Variants in SERINC5 observed in about 807,000 individuals in gnomAD.
SERINC5 encodes the protein serine incorporator 5, also known as chromosome 5 open reading frame 12.
Under a neutral mutation model 63.1 loss-of-function variants are expected in SERINC5, and 41 were observed. The ratio of observed to expected loss-of-function variants is 0.65; its 90% CI spans 0.51 to 0.84. SERINC5 has a LOEUF of 0.84. Among genes scored for constraint, SERINC5 ranks in the 40% least tolerant of loss-of-function variants. SERINC5 has a pLI of 0.00. For missense variants in SERINC5, 523 were observed against 573.0 expected (o/e 0.91, Z 0.89); for synonymous variants, 222 against 215.2 (o/e 1.03, Z -0.28).
intron 1 of SERINC5, among the ~76,000 whole-genome samples, chr5:80,222,737 T>G (rs940712879): frequency 6.6e-6 from 1 of 152,026 alleles, no homozygotes; most frequent in African/African-American, 2.4e-5. Flanking sequence ...CACACCTGGC[T>G]AATTTTTTGT....
chr5:80,229,279 C>T lies in SERINC5; in HGVS notation c.28-26226G>A, dbSNP rs564384836. On this transcript the variant is annotated intron_variant, in intron 1 of 11. Coordinates refer to ENST00000507668, the MANE Select transcript of SERINC5 (RefSeq NM_001174072.3). ...CCTCAAGTGATCCACCTGCCTTGGTCTCCCAAAGTGCTGGGATCACAGGGG... is the reference window on the plus strand; with the variant it reads ...CCTCAAGTGATCCACCTGCCTTGGTTTCCCAAAGTGCTGGGATCACAGGGG... Among the ~76,000 whole-genome samples the T allele has an allele frequency of 2.8e-4, 42 of 151,708 alleles. No individual in the cohort carries two copies. The East Asian group carries it at 7.6e-3, about 27-fold the overall frequency.
chr5:80,239,925 G>A (rs1455077214), intron 1 of SERINC5, among the ~76,000 whole-genome samples: 1 of 152,134 alleles, frequency 6.6e-6, no homozygotes, highest in Non-Finnish European at 1.5e-5. Flanking sequence ...TCTGGGAGGT[G>A]GTCCAAAGGA....
At chr5:80,126,150 C>T (rs1269175665) in intron 11 of SERINC5, among the ~76,000 whole-genome samples, 6 of 152,084 alleles carry the variant, frequency 3.9e-5, no homozygotes, top group African/African-American at 1.4e-4. Context: ...GAAGGAGGAA[C>T]CGAAAATCTG....
Position 80,141,557 on chromosome 5 carries a change from A to T in SERINC5, c.*2106T>A. ...TCAGCAGGAGGAAAACAATGAAACT[A>T]GTCACAATACTGCCCAGGCTCTTTA... On this transcript the variant is annotated 3_prime_UTR_variant, in exon 12 of 12. Coordinates refer to ENST00000507668, the MANE Select transcript of SERINC5 (RefSeq NM_001174072.3). 1.0e-6 allele frequency: 1 copy of T among 985,506 alleles called. No homozygotes were observed. The highest frequency in any genetic ancestry group is 1.1e-4 in the East Asian group (1 of 8,812). The allele number at this position is 985,506 out of a possible 1,614,324, so 61.0% of individuals were successfully genotyped here. A position where few individuals can be genotyped will look rare whatever the true frequency, so the allele number is the denominator to read the frequency against.
chr5:80,219,097 T>C (rs1264259787), intron 1 of SERINC5, among the ~76,000 whole-genome samples: 1 of 152,210 alleles, frequency 6.6e-6, no homozygotes, highest in Non-Finnish European at 1.5e-5. Context: ...ACAACAGGCC[T>C]CTGGTTTGGA....
At chr5:80,150,348 G>A (rs994220767) in intron 9 of SERINC5, among the ~76,000 whole-genome samples, 14 of 152,194 alleles carry the variant, frequency 9.2e-5, no homozygotes, top group African/African-American at 3.4e-4. Context: ...CACCCAAGAG[G>A]CCAGCTTTCT....
chr5:80,209,286 T>TAAAAAAAAAAAAAAAAAAAAAAAAAAAAA (rs1750324159), intron 1 of SERINC5, among the ~76,000 whole-genome samples: 1 of 152,060 alleles, frequency 6.6e-6, no homozygotes, highest in Non-Finnish European at 1.5e-5. Flanking sequence ...AAAAGGTATT[T>TAAAAAAAAAAAAAAAAAAAAAAAAAAAAA]AAAAGTTAAA....
At chr5:80,169,784 G>A (rs1361601331) in intron 5 of SERINC5, among the ~76,000 whole-genome samples, 3 of 152,142 alleles carry the variant, frequency 2.0e-5, no homozygotes, top group Non-Finnish European at 2.9e-5. Flanking sequence ...TCTCAACAAT[G>A]AGAGAATTCC....
intron 1 of SERINC5, among the ~76,000 whole-genome samples, chr5:80,217,727 G>A (rs571633920): frequency 2.6e-4 from 40 of 152,222 alleles, no homozygotes; most frequent in African/African-American, 9.1e-4. Flanking sequence ...CCTGCTCTCA[G>A]GAAACTCACA....
At chr5:80,166,280 C>CA (rs1432755733) in intron 7 of SERINC5, 103 bp downstream of exon 7, 2 of 802,398 alleles carry the variant, frequency 2.5e-6, no homozygotes, top group Non-Finnish European at 4.1e-6. Context: ...CATCTTTCTG[C>CA]TCTCTATCTC....
In SERINC5 at chr5:80,181,416, T is replaced by TTGTGTGTGTGTGTGTGTGTGTG. The variant is rs70982028; in HGVS notation, c.196-3374_196-3353dup. Among the ~76,000 whole-genome samples the TTGTGTGTGTGTGTGTGTGTGTG allele has an allele frequency of 4.4e-3, 640 of 145,410 alleles. 2 individuals carry two copies. The highest frequency in any genetic ancestry group is 0.015 in the African/African-American group (588 of 39,414). ...CATGCACCACCAAGCTCAGCTAATT[T>TTGTGTGTGTGTGTGTGTGTGTG]TGTGTGTGTGTGTGTGTGTGTGTGT... is the stretch of plus-strand genomic sequence containing the variant. On this transcript the variant is annotated intron_variant, in intron 2 of 11. Transcript: ENST00000507668.
intron 2 of SERINC5, among the ~76,000 whole-genome samples, chr5:80,195,592 C>T (rs953710802): frequency 2.6e-5 from 4 of 152,072 alleles, no homozygotes; most frequent in Admixed American, 2.6e-4. Flanking sequence ...AGAAGGGCTT[C>T]CCACAAGGAA....
chr5:80,186,663 G>A (rs1207257007), intron 2 of SERINC5, among the ~76,000 whole-genome samples: 9 of 152,174 alleles, frequency 5.9e-5, no homozygotes, highest in Non-Finnish European at 1.5e-5. Flanking sequence ...AGAGATGCTA[G>A]CTATGTCCCT....
intron 1 of SERINC5, among the ~76,000 whole-genome samples, chr5:80,233,393 C>T (rs774031485): frequency 2.0e-5 from 3 of 152,154 alleles, no homozygotes; most frequent in Non-Finnish European, 2.9e-5. Context: ...CACCATTGCA[C>T]TCCAGCCTGG....
At chr5:80,213,426 C>T (rs1309206533) in intron 1 of SERINC5, among the ~76,000 whole-genome samples, 1 of 152,104 alleles carries the variant, frequency 6.6e-6, no homozygotes, top group African/African-American at 2.4e-5. Flanking sequence ...AGCTTAAGGT[C>T]ACAGAGCCCG....
downstream of SERINC5, among the ~76,000 whole-genome samples, chr5:80,137,139 CAAAAAAAAAAAA>C (rs869035894): frequency 7.4e-5 from 5 of 67,744 alleles, no homozygotes; most frequent in African/African-American, 2.4e-4. Context: ...GACCCTGTCT[CAAAAAAAAAAAA>C]AAAAAAAAAA....
intron 11 of SERINC5, among the ~76,000 whole-genome samples, chr5:80,116,565 TG>T (rs1744328076): frequency 6.6e-6 from 1 of 152,010 alleles, no homozygotes; most frequent in South Asian, 2.1e-4. Flanking sequence ...TTCTCCTCAG[TG>T]GGAAGAAGCT....
intron 1 of SERINC5, among the ~76,000 whole-genome samples, chr5:80,246,878 C>G (rs1752192907): frequency 6.6e-6 from 1 of 152,184 alleles, no homozygotes; most frequent in Non-Finnish European, 1.5e-5. Flanking sequence ...AAGGTTTACT[C>G]TGGGCTACTT....
intron 2 of SERINC5, among the ~76,000 whole-genome samples, chr5:80,195,074 G>T (rs1749414783): frequency 6.6e-6 from 1 of 152,088 alleles, no homozygotes; most frequent in African/African-American, 2.4e-5. Flanking sequence ...ATCACCTGAG[G>T]TCAGGAGTTC....
Sources: allele counts gnomAD v4.1 joint callset (sites outside exome capture counted in the v4.1 genomes callset), GRCh38; gene constraint gnomAD v4.1.1; transcripts MANE v1.5; gene names NCBI Gene and HGNC (gene_info 2026-07-23, HGNC 2026-07-21).